SFRP1: variants seen among roughly 807,000 people sequenced by gnomAD.
SFRP1 encodes the protein secreted frizzled-related protein 1.
A neutral mutation model predicts 25.9 loss-of-function variants in SFRP1; 9 were observed. The ratio of observed to expected loss-of-function variants is 0.35; its 90% CI spans 0.21 to 0.61. The LOEUF is 0.61. SFRP1 is among the 20% of genes least tolerant of loss of function. The pLI, the probability that SFRP1 is intolerant of heterozygous loss-of-function variation, is 0.78. For synonymous variants in SFRP1, 178 were observed against 174.0 expected, an observed-to-expected ratio of 1.02 and a Z score of -0.18; for missense variants, 346 against 418.2, an observed-to-expected ratio of 0.83 and a Z score of 1.51.
intron 1 of SFRP1, chr8:41,306,824 G>A (rs745889407): frequency 8.8e-6 from 14 of 1,597,974 alleles, no homozygotes; most frequent in East Asian, 6.7e-5. Flanking sequence ...AAAGGTGTCC[G>A]GAAGACAGCG....
chr8:41,306,978 T>C (rs1804006542), intron 1 of SFRP1: 1 of 1,471,406 alleles, frequency 6.8e-7, no homozygotes, highest in Admixed American at 2.3e-5. Context: ...CCCTAAGGTG[T>C]CCACTCATGT....
chr8:41,277,216 C>T (rs6989786), intron 2 of SFRP1, among the ~76,000 whole-genome samples: 32,310 of 149,496 alleles, frequency 0.22, 6,742 homozygotes, highest in African/African-American at 0.52. Flanking sequence ...CACCCCCAGC[C>T]CCCCACCCTC....
At chr8:41,302,113 C>T (rs527970618) in intron 2 of SFRP1, among the ~76,000 whole-genome samples, 2 of 152,318 alleles carry the variant, frequency 1.3e-5, no homozygotes, top group African/African-American at 4.8e-5. Context: ...ATCTATAGAA[C>T]TCAGAAAGCA....
chr8:41,276,935 T>C (rs1803579160), intron 2 of SFRP1: 1 of 456,244 alleles, frequency 2.2e-6, no homozygotes, highest in Non-Finnish European at 4.4e-6. Context: ...GCACACACAC[T>C]CGCCAGCATC....
At chr8:41,270,622 C>A (rs62636760) in intron 2 of SFRP1, among the ~76,000 whole-genome samples, 43,229 of 151,732 alleles carry the variant, frequency 0.28, 7,140 homozygotes, top group Middle Eastern at 0.38. Context: ...AAACCTACTC[C>A]CCTGGGCCAT....
At position 41,264,574 on chromosome 8, in the gene SFRP1, C is replaced by G. The variant is rs1300336701; in HGVS notation, c.*593G>C. 6.6e-6 allele frequency: 1 copy of G among 152,430 alleles called. No individual in the cohort carries two copies. The highest frequency in any genetic ancestry group is 1.5e-5 in the Non-Finnish European group (1 of 68,220). The allele number at this position is 152,430 out of a possible 1,614,324, so 9.4% of individuals were successfully genotyped here. A position where few individuals can be genotyped will look rare whatever the true frequency, so the allele number is the denominator to read the frequency against. The stretch of plus-strand genomic sequence containing the variant: ...TGGGCAGAGAAGGCAATGCCTCTCC[C>G]CTGGTCCCTTTGCTGTCACTATTAC... On this transcript the variant is annotated 3_prime_UTR_variant, in exon 3 of 3. Transcript: ENST00000220772.
intron 2 of SFRP1, among the ~76,000 whole-genome samples, chr8:41,291,389 T>C (rs1803777949): frequency 6.6e-6 from 1 of 152,170 alleles, no homozygotes; most frequent in Non-Finnish European, 1.5e-5. Flanking sequence ...CCTGATAAGC[T>C]AGCTAACCAC....
intron 2 of SFRP1, among the ~76,000 whole-genome samples, chr8:41,268,321 T>G (rs895185783): frequency 2.0e-5 from 3 of 152,054 alleles, no homozygotes; most frequent in Non-Finnish European, 1.5e-5. Context: ...AGAATCAGGA[T>G]CAGAACCCAC....
At chr8:41,299,135 G>A (rs138293482) in intron 2 of SFRP1, among the ~76,000 whole-genome samples, 3 of 149,932 alleles carry the variant, frequency 2.0e-5, no homozygotes, top group Admixed American at 1.3e-4. Flanking sequence ...AGGCTGCTCA[G>A]AAAGAGACAC....
intron 1 of SFRP1, chr8:41,306,819 T>A: frequency 6.3e-7 from 1 of 1,598,046 alleles, no homozygotes; most frequent in South Asian, 1.1e-5. Flanking sequence ...GGGCAAAAGG[T>A]GTCCGGAAGA....
At position 41,288,035 on chromosome 8, in the gene SFRP1, T is replaced by C. The variant is rs537084238; in HGVS notation, c.622+15426A>G. ...GAGTTCAAGACCAGCCTGGGCCACA[T>C]AGCGAGACCCCGTTTCTATAAAAAA... On this transcript the variant is annotated intron_variant, in intron 2 of 2. Coordinates refer to ENST00000220772, the MANE Select transcript of SFRP1 (RefSeq NM_003012.5). Among the ~76,000 whole-genome samples, 353 of 150,234 alleles carry C rather than the reference T, an allele frequency of 2.3e-3. 4 individuals carry two copies. Among genetic ancestry groups the C allele is most frequent in the Non-Finnish European group, 4.4e-3 (297 of 67,518 alleles).
At chr8:41,296,521 A>C (rs1310262909) in intron 2 of SFRP1, among the ~76,000 whole-genome samples, 1 of 151,786 alleles carries the variant, frequency 6.6e-6, no homozygotes, top group Non-Finnish European at 1.5e-5. Context: ...AAAAAAAAAA[A>C]CAGATTGGGG....
intron 2 of SFRP1, chr8:41,275,279 C>G: frequency 2.5e-6 from 1 of 396,990 alleles, no homozygotes; most frequent in Non-Finnish European, 4.9e-6. Flanking sequence ...GGGGCCTAGC[C>G]ATCTGGGATG....
At chr8:41,290,453 G>A (rs548946839) in intron 2 of SFRP1, among the ~76,000 whole-genome samples, 1 of 152,338 alleles carries the variant, frequency 6.6e-6, no homozygotes, top group Non-Finnish European at 1.5e-5. Flanking sequence ...ACAAAGTCTG[G>A]AGAGAAAAGT....
chr8:41,265,362 C>T lies in SFRP1; in HGVS notation c.750G>A (p.Leu250=). ...KKDLKKLVLY[L]KNGADCPCHQ... is the part of the protein sequence containing the mutation. Reference sequence around the variant, plus strand: ...GGCAGGGACAGTCAGCCCCATTCTTCAGGTACAGCACAAGCTTCTTCAGGT... The same window carrying T: ...GGCAGGGACAGTCAGCCCCATTCTTTAGGTACAGCACAAGCTTCTTCAGGT... Residue 250 remains leucine (L), a synonymous_variant, in exon 3 of 3, where the codon CTG becomes CTA. Coordinates refer to ENST00000220772, the MANE Select transcript of SFRP1 (RefSeq NM_003012.5). 1 of 1,614,058 alleles carries T rather than the reference C, an allele frequency of 6.2e-7. No homozygotes were observed. Among genetic ancestry groups the T allele is most frequent in the Non-Finnish European group, 8.5e-7 (1 of 1,180,034 alleles).
Position 41,309,015 on chromosome 8 carries a change from C to G in SFRP1, c.145G>C (p.Gly49Arg). The G allele has an allele frequency of 6.2e-7, 1 of 1,611,178 alleles. No homozygotes were observed. ...FQSDIGPYQS[G>R]RFYTKPPQCV... ...TGAGGTGGCTTGGTGTAGAAGCGCCCGCTCTGGTACGGGCCGATGTCCGAC... is the reference window on the plus strand; with the variant it reads ...TGAGGTGGCTTGGTGTAGAAGCGCCGGCTCTGGTACGGGCCGATGTCCGAC... Residue 49 changes from glycine to arginine, a missense_variant, in exon 1 of 3, where the codon GGG (glycine) becomes CGG (arginine). By Grantham distance (125) the Gly-to-Arg change is moderately radical. Coordinates refer to ENST00000220772, the MANE Select transcript of SFRP1 (RefSeq NM_003012.5).
rs143070075 is a variant in SFRP1 at position 41,279,139 on chromosome 8, G to A, written c.623-13650C>T. Among the ~76,000 whole-genome samples the A allele has an allele frequency of 4.6e-5, 7 of 152,054 alleles. No homozygotes were observed. The East Asian group carries it at 5.8e-4, about 13-fold the overall frequency. ...GCTCATGTAGGACATGGCCCAAAAC[G>A]CATCCAATCTCTGTTCAATGACTAG... On this transcript the variant is annotated intron_variant, in intron 2 of 2. Coordinates refer to ENST00000220772, the MANE Select transcript of SFRP1 (RefSeq NM_003012.5).
intron 2 of SFRP1, among the ~76,000 whole-genome samples, chr8:41,290,304 G>A (rs2117504688): frequency 6.6e-6 from 1 of 152,326 alleles, no homozygotes; most frequent in Middle Eastern, 3.4e-3. Flanking sequence ...TGTCACTGCA[G>A]CCTCTCCTGC....
At chr8:41,303,281 C>G (rs1213068359) in intron 2 of SFRP1, among the ~76,000 whole-genome samples, 180 bp downstream of exon 2, 2 of 151,886 alleles carry the variant, frequency 1.3e-5, no homozygotes, top group Admixed American at 1.3e-4. Flanking sequence ...TTCATCAAAA[C>G]TGGCCGGTTC....
Sources: allele counts gnomAD v4.1 joint callset (sites outside exome capture counted in the v4.1 genomes callset), GRCh38; gene constraint gnomAD v4.1.1; transcripts MANE v1.5; gene names NCBI Gene and HGNC (gene_info 2026-07-23, HGNC 2026-07-21).